Variants in ZNF280C observed in about 807,000 individuals in gnomAD.
ZNF280C encodes zinc finger protein 280C.
ZNF280C carries 14 observed loss-of-function variants against 53.6 expected under a neutral mutation model. The ratio of observed to expected loss-of-function variants is 0.26; its 90% confidence interval spans 0.17 to 0.41. The LOEUF is 0.41. Among genes scored for constraint, ZNF280C ranks in the 10% least tolerant of loss-of-function variants. The pLI is 1.00. For missense variants in ZNF280C, 416 were observed against 547.1 expected (o/e 0.76, Z 2.39); for synonymous variants, 203 against 181.1 (o/e 1.12, Z -0.97).
intron 5 of ZNF280C, among the ~76,000 whole-genome samples, chrX:130,241,275 T>C (rs1335558630): frequency 8.9e-6 from 1 of 112,505 alleles, no homozygotes; most frequent in African/African-American, 3.2e-5. Flanking sequence ...TCTCAATTCA[T>C]TCGAGAATAT....
At chrX:130,205,440 GAAATATTCTT>G (rs2031962465) in intron 16 of ZNF280C, 25 bp from the exon 17 acceptor site, 1 of 994,966 alleles carries the variant, frequency 1.0e-6, no homozygotes, top group African/African-American at 1.9e-5. Flanking sequence ...AAGACAGTAA[GAAATATTCTT>G]ATCATTTATG....
intron 15 of ZNF280C, among the ~76,000 whole-genome samples, chrX:130,213,383 AAAACG>A (rs1417390348): frequency 9.0e-6 from 1 of 111,064 alleles, no homozygotes; most frequent in Non-Finnish European, 1.9e-5. Context: ...AAAACAAAAC[AAAACG>A]AAACAAAAAC....
At chrX:130,208,380 T>C (rs2032002377) in intron 16 of ZNF280C, among the ~76,000 whole-genome samples, 1 of 111,784 alleles carries the variant, frequency 8.9e-6, no homozygotes, top group Non-Finnish European at 1.9e-5. Context: ...TCCACCCGCC[T>C]TGGCCTCCCA....
intron 15 of ZNF280C, 65 bp from the exon 16 acceptor site, chrX:130,209,780 G>T: frequency 1.1e-6 from 1 of 913,899 alleles, no homozygotes; most frequent in South Asian, 2.3e-5. Context: ...TTAATTTTCT[G>T]ACCACATTTC....
chrX:130,207,651 C>T (rs767452048), intron 16 of ZNF280C, among the ~76,000 whole-genome samples: 1 of 111,524 alleles, frequency 9.0e-6, no homozygotes, highest in South Asian at 3.8e-4. Flanking sequence ...CATGAGTCAC[C>T]GTGCCCGGCC....
intron 2 of ZNF280C, among the ~76,000 whole-genome samples, chrX:130,258,816 A>G (rs1482241897): frequency 8.9e-6 from 1 of 112,010 alleles, no homozygotes; most frequent in African/African-American, 3.2e-5. Context: ...TGGAAAGAGC[A>G]TGCACTTGAC....
chrX:130,240,128 A>G (rs1222615436), intron 5 of ZNF280C, among the ~76,000 whole-genome samples: 1 of 111,713 alleles, frequency 9.0e-6, no homozygotes, highest in Non-Finnish European at 1.9e-5. Flanking sequence ...AATAGCAAAA[A>G]TTGAAAACCT....
At chrX:130,221,391 C>A (rs888853164) in intron 12 of ZNF280C, among the ~76,000 whole-genome samples, 1 of 111,525 alleles carries the variant, frequency 9.0e-6, no homozygotes, top group East Asian at 2.8e-4. Flanking sequence ...ACCTATACCT[C>A]ATTCAGTTTC....
rs61571389 is a variant in ZNF280C, at chrX:130,251,282, C to CAAAAAA, written c.32-4283_32-4278dup. Among the ~76,000 whole-genome samples, 9 of 15,335 alleles carry CAAAAAA rather than the reference C, an allele frequency of 5.9e-4. 1 individual carries two copies. The highest frequency in any genetic ancestry group is 1.5e-3 in the African/African-American group (4 of 2,586). 13.3% of individuals were successfully genotyped at this position (15,335 alleles called of 115,157 possible). On this transcript the variant is annotated intron_variant, in intron 2 of 18. Transcript: ENST00000370978. ...AGGCAAACGCAGTAAGGACCTGTCT[C>CAAAAAA]AAAAAAAAAAAAAAAAAAAAAAAAA...
chrX:130,214,698 A>C (rs908582245), intron 15 of ZNF280C, among the ~76,000 whole-genome samples: 1 of 111,912 alleles, frequency 8.9e-6, no homozygotes, highest in Admixed American at 9.5e-5. Context: ...ATGATACCTA[A>C]TACAATGTAA....
intron 2 of ZNF280C, among the ~76,000 whole-genome samples, chrX:130,255,435 C>T (rs185395169): frequency 4.7e-5 from 5 of 105,399 alleles, no homozygotes; most frequent in East Asian, 2.9e-4. Context: ...CCACCGCGCC[C>T]GGCCGAAAAA....
At position 130,242,004 on chromosome X, in the gene ZNF280C, G is replaced by GC. The variant is rs201496420; in HGVS notation, c.381+1558_381+1559insG. On this transcript the variant is annotated intron_variant, in intron 5 of 18. Transcript: ENST00000370978. ...TAATTCCACACTTTGGGAAGCCGGG[G>GC]GGGGGCGGGTGGCAGATCACCTGAG... Among the ~76,000 whole-genome samples the GC allele has an allele frequency of 7.6e-3, 720 of 95,119 alleles. 18 individuals carry two copies. The highest frequency in any genetic ancestry group is 0.028 in the African/African-American group (697 of 24,662). 82.6% of individuals were successfully genotyped at this position (95,119 alleles called of 115,157 possible).
At chrX:130,227,327 C>G (rs1209966835) in intron 11 of ZNF280C, among the ~76,000 whole-genome samples, 1 of 112,246 alleles carries the variant, frequency 8.9e-6, no homozygotes, top group Non-Finnish European at 1.9e-5. Flanking sequence ...TTCTGGAACA[C>G]TGATCCCAAA....
Position 130,226,858 on chromosome X carries a change from A to G in ZNF280C, c.1296T>C (p.Phe432=). The change falls in exon 12 of 19, where the codon TTT becomes TTC. Residue 432 remains phenylalanine (F), a synonymous_variant. Transcript: ENST00000370978. ...TCTTAGTGTTTTCATGGGCTGCTCT[A>G]AAATGAGCTTCTACATCAGAAAATG... The part of the protein sequence containing the change: ...SSTFSDVEAH[F]RAAHENTKNL... The G allele has an allele frequency of 8.3e-7, 1 of 1,207,940 alleles. No individual in the cohort carries two copies. The highest frequency in any genetic ancestry group is 1.8e-5 in the South Asian group (1 of 55,829).
intron 16 of ZNF280C, among the ~76,000 whole-genome samples, chrX:130,207,040 G>C (rs185734048): frequency 5.4e-5 from 6 of 111,467 alleles, no homozygotes; most frequent in Non-Finnish European, 1.1e-4. Context: ...CTGAGGCCAG[G>C]ATCAGGTTGG....
intron 8 of ZNF280C, 21 bp downstream of exon 8, chrX:130,236,193 G>A (rs1450545881): frequency 9.3e-7 from 1 of 1,080,152 alleles, no homozygotes; most frequent in East Asian, 3.1e-5. Context: ...TTTAACAATT[G>A]AACTTTGAAA....
At chrX:130,267,261 T>A (rs1042853828) in intron 1 of ZNF280C, among the ~76,000 whole-genome samples, 3 of 111,166 alleles carry the variant, frequency 2.7e-5, no homozygotes. Context: ...GAAATAATAT[T>A]AAAGTATGAA....
chrX:130,237,345 T>C (rs1426875564), intron 6 of ZNF280C, among the ~76,000 whole-genome samples: 1 of 111,446 alleles, frequency 9.0e-6, no homozygotes, highest in East Asian at 2.8e-4. Flanking sequence ...TCTTAGAAAA[T>C]GTAATGGGTA....
chrX:130,249,482 A>G (rs2032484906), intron 2 of ZNF280C, among the ~76,000 whole-genome samples: 1 of 111,966 alleles, frequency 8.9e-6, no homozygotes, highest in Non-Finnish European at 1.9e-5. Context: ...TAACCTTGAG[A>G]AGCCAGAGAA....
Sources: gnomAD v4.1 joint callset for allele counts (sites outside exome capture counted in the v4.1 genomes callset) on GRCh38, gnomAD v4.1.1 for gene constraint, MANE v1.5 for transcripts, NCBI Gene and HGNC (gene_info 2026-07-23, HGNC 2026-07-21) for gene names.